Variants in BABAM2 observed in about 807,000 individuals in gnomAD.
BABAM2 encodes BRISC and BRCA1 A complex member 2, also known as BRISC and BRCA1-A complex member 2.
Under a neutral mutation model 54.7 loss-of-function variants are expected in BABAM2, and 31 were observed. The ratio of observed to expected loss-of-function variants is 0.57; its 90% CI spans 0.43 to 0.77. The LOEUF is 0.77. Among genes scored for constraint, BABAM2 ranks in the 30% least tolerant of loss-of-function variants. The pLI, the probability that BABAM2 is intolerant of heterozygous loss-of-function variation, is 0.00. For synonymous variants in BABAM2, 167 were observed against 162.9 expected (o/e 1.03, Z -0.19); for missense variants, 364 against 455.8 (o/e 0.80, Z 1.83).
At chr2:27,973,559 A>G (rs1671376028) in intron 3 of BABAM2, among the ~76,000 whole-genome samples, 1 of 152,060 alleles carries the variant, frequency 6.6e-6, no homozygotes, top group Non-Finnish European at 1.5e-5. Context: ...TGACACAGTA[A>G]TGGAAAGTAT....
At chr2:28,246,363 C>T (rs938940530) in intron 10 of BABAM2, among the ~76,000 whole-genome samples, 1 of 152,204 alleles carries the variant, frequency 6.6e-6, no homozygotes, top group Admixed American at 6.5e-5. Flanking sequence ...TTCACTTTAC[C>T]TTACGACCTT....
intron 4 of BABAM2, chr2:28,013,339 C>T: frequency 2.2e-6 from 1 of 455,658 alleles, no homozygotes; most frequent in Non-Finnish European, 4.4e-6. Context: ...CCCTAGAATT[C>T]CTCTGTTAGT....
intron 10 of BABAM2, among the ~76,000 whole-genome samples, chr2:28,278,703 G>A (rs1301566569): frequency 6.6e-6 from 1 of 152,168 alleles, no homozygotes; most frequent in Non-Finnish European, 1.5e-5. Context: ...TGAGGGGACT[G>A]AAAACAGATC....
At chr2:27,924,822 A>G (rs1667570016) in intron 2 of BABAM2, among the ~76,000 whole-genome samples, 2 of 152,236 alleles carry the variant, frequency 1.3e-5, no homozygotes, top group African/African-American at 4.8e-5. Context: ...TTAATCTTAG[A>G]AGAAACTTGA....
chr2:28,130,272 G>A (rs572182616), intron 7 of BABAM2, among the ~76,000 whole-genome samples: 17 of 152,032 alleles, frequency 1.1e-4, no homozygotes, highest in Non-Finnish European at 2.4e-4. Context: ...TACCCCTTCC[G>A]ACCTTAGTTG....
chr2:27,962,254 AGC>A (rs1170965364), intron 3 of BABAM2, among the ~76,000 whole-genome samples: 1 of 152,120 alleles, frequency 6.6e-6, no homozygotes, highest in African/African-American at 2.4e-5. Context: ...TACTGGTGTA[AGC>A]CACTGCATCT....
chr2:27,940,260 C>T (rs1469974916), intron 3 of BABAM2, among the ~76,000 whole-genome samples: 1 of 152,194 alleles, frequency 6.6e-6, no homozygotes, highest in African/African-American at 2.4e-5. Flanking sequence ...CCATGAGTGT[C>T]ATATAAACAC....
At chr2:28,106,137 T>G (rs1667503986) in intron 6 of BABAM2, among the ~76,000 whole-genome samples, 1 of 152,146 alleles carries the variant, frequency 6.6e-6, no homozygotes. Context: ...TCTTACATAT[T>G]AATAATTGCA....
chr2:27,935,040 A>G (rs985771252), intron 3 of BABAM2, among the ~76,000 whole-genome samples: 3 of 152,356 alleles, frequency 2.0e-5, no homozygotes, highest in Admixed American at 6.5e-5. Flanking sequence ...TTTAGTGTAG[A>G]TGGAACAGGC....
intron 6 of BABAM2, among the ~76,000 whole-genome samples, chr2:28,084,766 A>G (rs1665496145): frequency 6.6e-6 from 1 of 152,108 alleles, no homozygotes; most frequent in Admixed American, 6.6e-5. Context: ...AGACGTGAAA[A>G]CTTGGCCTGA....
chr2:28,114,510 C>T (rs1668432222), intron 6 of BABAM2, among the ~76,000 whole-genome samples: 1 of 151,940 alleles, frequency 6.6e-6, no homozygotes, highest in South Asian at 2.1e-4. Flanking sequence ...AAGGAAGAAA[C>T]TTCTCTCATT....
intron 7 of BABAM2, among the ~76,000 whole-genome samples, chr2:28,227,160 A>T (rs1243512509): frequency 6.6e-6 from 1 of 152,036 alleles, no homozygotes; most frequent in East Asian, 1.9e-4. Context: ...AATCTCCAGA[A>T]CATCTCTCAC....
At chr2:28,280,020 T>A (rs12464744) in intron 10 of BABAM2, among the ~76,000 whole-genome samples, 9 of 151,980 alleles carry the variant, frequency 5.9e-5, no homozygotes, top group Admixed American at 5.9e-4. Context: ...ATTTGACTTA[T>A]AAGAACGCAT....
At chr2:28,060,502 A>G (rs79762877) in intron 6 of BABAM2, among the ~76,000 whole-genome samples, 242 of 152,278 alleles carry the variant, frequency 1.6e-3, no homozygotes, top group Non-Finnish European at 2.4e-3. Flanking sequence ...CAGAGCAATA[A>G]AGCAAGAAAA....
At chr2:27,974,559 A>G (rs530474359) in intron 3 of BABAM2, among the ~76,000 whole-genome samples, 13 of 152,260 alleles carry the variant, frequency 8.5e-5, no homozygotes, top group African/African-American at 2.9e-4. Context: ...TCTGTTCATA[A>G]TAAATACTCT....
At chr2:28,040,504 T>G (rs974836665) in intron 5 of BABAM2, among the ~76,000 whole-genome samples, 15 of 151,064 alleles carry the variant, frequency 9.9e-5, no homozygotes, top group East Asian at 3.9e-4. Context: ...GTTTCACCGT[T>G]TTAGCCGGGA....
intron 6 of BABAM2, among the ~76,000 whole-genome samples, chr2:28,120,427 A>G (rs561595092): frequency 1.3e-5 from 2 of 152,286 alleles, no homozygotes; most frequent in East Asian, 1.9e-4. Flanking sequence ...TTTGTGCCCA[A>G]TAGCATCCTA....
At chr2:27,925,532 C>G (rs1367650712) in intron 2 of BABAM2, among the ~76,000 whole-genome samples, 1 of 152,034 alleles carries the variant, frequency 6.6e-6, no homozygotes, top group Non-Finnish European at 1.5e-5. Flanking sequence ...AGTAAGCATC[C>G]CTGGGGGGTA....
At chr2:28,270,993 G>T (rs981126293) in intron 10 of BABAM2, among the ~76,000 whole-genome samples, 1 of 152,174 alleles carries the variant, frequency 6.6e-6, no homozygotes, top group African/African-American at 2.4e-5. Flanking sequence ...GTCTACATGA[G>T]ATGCAGGCAC....
Sources: gnomAD v4.1 joint callset for allele counts (sites outside exome capture counted in the v4.1 genomes callset) on GRCh38, gnomAD v4.1.1 for gene constraint, MANE v1.5 for transcripts, NCBI Gene and HGNC (gene_info 2026-07-23, HGNC 2026-07-21) for gene names.